Variants in PARVA observed in about 807,000 individuals in gnomAD.
PARVA encodes parvin alpha.
Under a neutral mutation model 52.6 loss-of-function variants are expected in PARVA, and 25 were observed. The ratio of observed to expected loss-of-function variants is 0.48; its 90% CI spans 0.35 to 0.66. The LOEUF is 0.66. Ranked by LOEUF, PARVA falls within the 30% of genes least tolerant of loss-of-function variation. The pLI is 0.01. For missense variants in PARVA, 373 were observed against 450.9 expected (o/e 0.83, Z 1.56); for synonymous variants, 185 against 179.1 (o/e 1.03, Z -0.26).
At chr11:12,514,556 C>T (rs1019610643) in intron 10 of PARVA, among the ~76,000 whole-genome samples, 11 of 152,150 alleles carry the variant, frequency 7.2e-5, no homozygotes, top group African/African-American at 2.4e-4. Flanking sequence ...GGCAAGATCT[C>T]GGCTCACTGC....
intron 9 of PARVA, 42 bp downstream of exon 9, chr11:12,513,402 G>A (rs1941527964): frequency 1.3e-6 from 2 of 1,556,158 alleles, no homozygotes; most frequent in African/African-American, 1.4e-5. Context: ...GAAGCGAGAT[G>A]CAACAGAACA....
At chr11:12,504,520 G>T (rs957177357) in intron 6 of PARVA, 91 bp downstream of exon 6, 2 of 753,618 alleles carry the variant, frequency 2.7e-6, no homozygotes, top group Non-Finnish European at 4.6e-6. Flanking sequence ...TTAGAAGGAT[G>T]GCTGCATGAA....
intron 4 of PARVA, among the ~76,000 whole-genome samples, chr11:12,490,087 G>A (rs866929360): frequency 2.0e-5 from 3 of 152,038 alleles, no homozygotes; most frequent in South Asian, 4.2e-4. Flanking sequence ...GTGGTGGTGG[G>A]CACCTGTAGT....
intron 4 of PARVA, chr11:12,479,075 ATGTC>A (rs1298144312): frequency 3.3e-5 from 5 of 152,194 alleles, no homozygotes; most frequent in Admixed American, 1.3e-4. Flanking sequence ...TGCTCGATAA[ATGTC>A]TGTCATCATT....
intron 1 of PARVA, among the ~76,000 whole-genome samples, chr11:12,384,668 T>C (rs1295861130): frequency 2.6e-5 from 4 of 152,176 alleles, no homozygotes; most frequent in Non-Finnish European, 5.9e-5. Flanking sequence ...ACCATATGTA[T>C]ATCTTGGAAA....
At chr11:12,513,615 C>G in intron 9 of PARVA, 1 of 644,844 alleles carries the variant, frequency 1.6e-6, no homozygotes, top group Non-Finnish European at 2.8e-6. Context: ...CTCAGCCTTC[C>G]CCACTCCTCA....
intron 3 of PARVA, among the ~76,000 whole-genome samples, chr11:12,474,923 G>C (rs1406847273): frequency 2.0e-5 from 3 of 149,504 alleles, no homozygotes; most frequent in African/African-American, 7.4e-5. Context: ...CCATGACCAC[G>C]CCACTGCACT....
At chr11:12,443,427 C>T (rs947166257) in intron 1 of PARVA, among the ~76,000 whole-genome samples, 1 of 152,064 alleles carries the variant, frequency 6.6e-6, no homozygotes, top group South Asian at 2.1e-4. Context: ...ACCTTGGCCT[C>T]CCAAAGTGCT....
chr11:12,429,135 C>T (rs1175842287), intron 1 of PARVA, among the ~76,000 whole-genome samples: 3 of 152,122 alleles, frequency 2.0e-5, no homozygotes, highest in African/African-American at 7.2e-5. Flanking sequence ...TGCACATCAC[C>T]ATGCCCAGTT....
intron 1 of PARVA, among the ~76,000 whole-genome samples, chr11:12,468,805 T>G (rs1473286804): frequency 6.6e-6 from 1 of 152,196 alleles, no homozygotes; most frequent in Non-Finnish European, 1.5e-5. Context: ...AGGTATAATA[T>G]CCTGACACAA....
intron 1 of PARVA, among the ~76,000 whole-genome samples, chr11:12,378,088 C>G (rs1216306148): frequency 6.6e-6 from 1 of 151,128 alleles, no homozygotes; most frequent in Admixed American, 6.6e-5. Context: ...GCTTGGCGGC[C>G]GGAGGCGGCG....
At chr11:12,464,891 ATGGACATGGGGT>A (rs1044637992) in intron 1 of PARVA, among the ~76,000 whole-genome samples, 1 of 152,124 alleles carries the variant, frequency 6.6e-6, no homozygotes, top group Non-Finnish European at 1.5e-5. Context: ...AGTTTTTTCC[ATGGACATGGGGT>A]TGGGTCGGGG....
chr11:12,395,651 A>G (rs896724641), intron 1 of PARVA, among the ~76,000 whole-genome samples: 1 of 152,104 alleles, frequency 6.6e-6, no homozygotes, highest in Non-Finnish European at 1.5e-5. Flanking sequence ...AACAGTGAAA[A>G]TCCATCAAAG....
intron 12 of PARVA, among the ~76,000 whole-genome samples, chr11:12,527,062 G>A (rs750040447): frequency 3.9e-5 from 6 of 152,148 alleles, no homozygotes; most frequent in South Asian, 4.1e-4. Flanking sequence ...AAGGCCTTTC[G>A]GGATCCAGCC....
chr11:12,529,899 A>C lies in PARVA; in HGVS notation c.*1974A>C, dbSNP rs1462121429. 6.6e-6 allele frequency: 1 copy of C among 152,232 alleles called. No individual in the cohort carries two copies. Among genetic ancestry groups the C allele is most frequent in the Admixed American group, 6.5e-5 (1 of 15,288 alleles). The allele number at this position is 152,232 out of a possible 1,614,324, so 9.4% of individuals were successfully genotyped here. A position where few individuals can be genotyped will look rare whatever the true frequency, so the allele number is the denominator to read the frequency against. On this transcript the variant is annotated 3_prime_UTR_variant, in exon 13 of 13. Coordinates refer to ENST00000334956, the MANE Select transcript of PARVA (RefSeq NM_018222.5). ...ATTTTATTTTTTATTAGGAAACACTAAATAGTGTAATATTTCTTTTGCTTT... is the reference window on the plus strand; with the variant it reads ...ATTTTATTTTTTATTAGGAAACACTCAATAGTGTAATATTTCTTTTGCTTT...
At chr11:12,420,244 A>T (rs1374213009) in intron 1 of PARVA, among the ~76,000 whole-genome samples, 1 of 152,186 alleles carries the variant, frequency 6.6e-6, no homozygotes, top group Non-Finnish European at 1.5e-5. Context: ...CACATCTGTT[A>T]TTCCTTTTGG....
Position 12,496,615 on chromosome 11 carries a change from A to G in PARVA, c.541+17A>G. Reference sequence around the variant, plus strand: ...ATGTGGATTGTGAGTTGAACAAAGGAAAGGGGCACCATTAAACAATGCCTG... The same window carrying G: ...ATGTGGATTGTGAGTTGAACAAAGGGAAGGGGCACCATTAAACAATGCCTG... On this transcript the variant is annotated intron_variant, in intron 5 of 12. Coordinates refer to ENST00000334956, the MANE Select transcript of PARVA (RefSeq NM_018222.5). The G allele has an allele frequency of 6.2e-7, 1 of 1,608,642 alleles. No homozygotes were observed. The highest frequency in any genetic ancestry group is 8.5e-7 in the Non-Finnish European group (1 of 1,177,606).
chr11:12,511,840 C>T (rs1941505934), intron 8 of PARVA, among the ~76,000 whole-genome samples: 1 of 152,192 alleles, frequency 6.6e-6, no homozygotes, highest in African/African-American at 2.4e-5. Flanking sequence ...GACCCCACAG[C>T]CCAAGGGTGA....
At chr11:12,390,414 T>G (rs1329878430) in intron 1 of PARVA, among the ~76,000 whole-genome samples, 1 of 152,076 alleles carries the variant, frequency 6.6e-6, no homozygotes, top group Non-Finnish European at 1.5e-5. Flanking sequence ...GTGCAGAGAT[T>G]CTGAGCAGAG....
Sources: gnomAD v4.1 joint callset for allele counts (sites outside exome capture counted in the v4.1 genomes callset) on GRCh38, gnomAD v4.1.1 for gene constraint, MANE v1.5 for transcripts, NCBI Gene and HGNC (gene_info 2026-07-23, HGNC 2026-07-21) for gene names.